IGF2R: variants seen among roughly 807,000 people sequenced by gnomAD.
IGF2R encodes cation-independent mannose-6-phosphate receptor.
A neutral mutation model predicts 270.6 loss-of-function variants in IGF2R; 91 were observed. The ratio of observed to expected loss-of-function variants is 0.34; its 90% confidence interval spans 0.28 to 0.40. The LOEUF (loss-of-function observed/expected upper bound fraction) is 0.40. Among genes scored for constraint, IGF2R ranks in the 10% least tolerant of loss-of-function variants. The pLI is 1.00. For synonymous variants in IGF2R, 1,316 were observed against 1,258.9 expected, an observed-to-expected ratio of 1.05 and a Z score of -0.96; for missense variants, 2,805 against 3,188.3, an observed-to-expected ratio of 0.88 and a Z score of 2.90.
intron 2 of IGF2R, among the ~76,000 whole-genome samples, chr6:160,002,883 T>C (rs903965740): frequency 1.3e-5 from 2 of 152,220 alleles, no homozygotes; most frequent in Admixed American, 6.5e-5. Flanking sequence ...CATTTTTTTC[T>C]AACACATCAA....
chr6:160,012,045 A>G lies in IGF2R; in HGVS notation c.513+1260A>G, dbSNP rs566361935. Reference sequence around the variant, plus strand: ...TTAAATTATGAACAATAAATCACTGATATTTTCAGATATGGTCATCTATGA... The same window carrying G: ...TTAAATTATGAACAATAAATCACTGGTATTTTCAGATATGGTCATCTATGA... On this transcript the variant is annotated intron_variant, in intron 4 of 47. Coordinates refer to ENST00000356956, the MANE Select transcript of IGF2R (RefSeq NM_000876.4). Among the ~76,000 whole-genome samples, 23 of 152,272 alleles carry G rather than the reference A, an allele frequency of 1.5e-4. 1 individual carries two copies. The highest frequency in any genetic ancestry group is 5.5e-4 in the African/African-American group (23 of 41,552).
intron 31 of IGF2R, among the ~76,000 whole-genome samples, chr6:160,070,715 G>T (rs544116879): frequency 6.6e-6 from 1 of 152,194 alleles, no homozygotes; most frequent in South Asian, 2.1e-4. Context: ...TGACAAGCTC[G>T]GTGGCTGAGT....
chr6:160,104,880 C>T lies in IGF2R; in HGVS notation c.7272C>T (p.Gly2424=), dbSNP rs1562381506. 1.9e-6 allele frequency: 3 copies of T among 1,614,164 alleles called. No homozygotes were observed. Among genetic ancestry groups the T allele is most frequent in the Non-Finnish European group, 1.7e-6 (2 of 1,180,018 alleles). ...LTIPEVKVHS[G]RGAGAESSHP... ...TCCCAGAGGTGAAAGTTCACTCGGG[C>T]AGGGGAGCTGGGGCAGAGAGCTCCC... The change falls in exon 48 of 48, where the codon GGC becomes GGT. Residue 2424 remains glycine, a synonymous_variant. Transcript: ENST00000356956.
In IGF2R at chr6:160,061,484, G is replaced by GT. The variant is rs544275721; in HGVS notation, c.3263-13dup. On this transcript the variant is annotated intron_variant, in intron 23 of 47. Coordinates refer to ENST00000356956, the MANE Select transcript of IGF2R (RefSeq NM_000876.4). ...CAAGGAGGCAGAGTTCTCCAGCGTGGTTTTTTGTTGTGTTTCAGACCTGGC... is the reference window on the plus strand; with the variant it reads ...CAAGGAGGCAGAGTTCTCCAGCGTGGTTTTTTTGTTGTGTTTCAGACCTGGC... 2.5e-6 allele frequency: 4 copies of GT among 1,612,650 alleles called. No homozygotes were observed. The highest frequency in any genetic ancestry group is 2.2e-5 in the East Asian group (1 of 44,870).
rs75396027 is a variant in IGF2R at position 159,984,936 on chromosome 6, A to G, written c.150-6248A>G. On this transcript the variant is annotated intron_variant, in intron 1 of 47. Coordinates refer to ENST00000356956, the MANE Select transcript of IGF2R (RefSeq NM_000876.4). Reference sequence around the variant, plus strand: ...GTTGTTAATCTTTTACAACTAATTTATAAATTAAACTTAATCATGGGTATG... The same window carrying G: ...GTTGTTAATCTTTTACAACTAATTTGTAAATTAAACTTAATCATGGGTATG... Among the ~76,000 whole-genome samples the G allele has an allele frequency of 1.3e-3, 201 of 152,348 alleles. 2 individuals carry two copies. The East Asian group carries it at 0.035, about 27-fold the overall frequency.
At chr6:159,976,640 C>CT (rs1310766779) in intron 1 of IGF2R, among the ~76,000 whole-genome samples, 2 of 151,984 alleles carry the variant, frequency 1.3e-5, no homozygotes, top group African/African-American at 4.8e-5. Flanking sequence ...CTCATAGATT[C>CT]TGATACTTTT....
At chr6:160,062,693 A>G (rs887652250) in intron 26 of IGF2R, 74 bp downstream of exon 26, 5 of 1,048,876 alleles carry the variant, frequency 4.8e-6, no homozygotes, top group East Asian at 2.5e-5. Flanking sequence ...TGCCTTAGAT[A>G]TGAGACCGTG....
At position 160,058,085 on chromosome 6, in the gene IGF2R, G is replaced by C. The variant is rs772639032; in HGVS notation, c.2859G>C (p.Ser953=). The change falls in exon 21 of 48, where the codon TCG becomes TCC. Residue 953 remains serine, a synonymous_variant. Coordinates refer to ENST00000356956, the MANE Select transcript of IGF2R (RefSeq NM_000876.4). ...FVFNLNPLNS[S]QGYNVSGIGK... is the part of the protein sequence containing the mutation. Reference sequence around the variant, plus strand: ...TTAATCTTAATCCGCTAAACAGTTCGCAAGGATATAACGTCTCTGGCATTG... The same window carrying C: ...TTAATCTTAATCCGCTAAACAGTTCCCAAGGATATAACGTCTCTGGCATTG... 11 of 1,613,088 alleles carry C rather than the reference G, an allele frequency of 6.8e-6. No individual in the cohort carries two copies. The highest frequency in any genetic ancestry group is 5.9e-6 in the Non-Finnish European group (7 of 1,179,196).
intron 4 of IGF2R, among the ~76,000 whole-genome samples, chr6:160,021,368 T>C (rs1318177639): frequency 2.1e-5 from 3 of 143,576 alleles, no homozygotes; most frequent in Non-Finnish European, 1.5e-5. Context: ...TCGTATGTTC[T>C]CACTCATAGG....
chr6:159,999,180 A>G lies in IGF2R; in HGVS notation c.289+7857A>G, dbSNP rs117196539. On this transcript the variant is annotated intron_variant, in intron 2 of 47. Coordinates refer to ENST00000356956, the MANE Select transcript of IGF2R (RefSeq NM_000876.4). ...CACCCACTCCAGACCCAGGGATCAT[A>G]CACCATAGGGAAGGGGTGGTTCAGA... Among the ~76,000 whole-genome samples, 601 of 152,346 alleles carry G rather than the reference A, an allele frequency of 3.9e-3. 23 individuals carry two copies. In the East Asian group the frequency reaches 0.084, roughly 21 times the overall value.
At position 160,104,919 on chromosome 6, in the gene IGF2R, C is replaced by T. The variant is rs149379261; in HGVS notation, c.7311C>T (p.Asn2437=). 45 of 1,614,022 alleles carry T rather than the reference C, an allele frequency of 2.8e-5. No homozygotes were observed. Among genetic ancestry groups the T allele is most frequent in the Middle Eastern group, 1.6e-4 (1 of 6,084 alleles). Reference sequence around the variant, plus strand: ...CAGAGAGCTCCCACCCAGTGAGAAACGCACAGAGCAATGCCCTTCAGGAGC... The same window carrying T: ...CAGAGAGCTCCCACCCAGTGAGAAATGCACAGAGCAATGCCCTTCAGGAGC... ...AGAESSHPVR[N]AQSNALQERE... The change falls in exon 48 of 48, where the codon AAC becomes AAT. Residue 2437 remains asparagine, a synonymous_variant. Coordinates refer to ENST00000356956, the MANE Select transcript of IGF2R (RefSeq NM_000876.4).
chr6:160,037,209 T>C (rs1225732589), intron 10 of IGF2R, among the ~76,000 whole-genome samples: 1 of 152,226 alleles, frequency 6.6e-6, no homozygotes, highest in Non-Finnish European at 1.5e-5. Context: ...TTTCCTAGGC[T>C]GTTTTCATTA....
chr6:160,071,236 T>G (rs1562366996), intron 31 of IGF2R, among the ~76,000 whole-genome samples: 3 of 88,252 alleles, frequency 3.4e-5, no homozygotes, highest in African/African-American at 4.7e-5. Context: ...AGGGTGGGGG[T>G]GTGTCGAGGC....
At chr6:159,981,500 A>C (rs997983236) in intron 1 of IGF2R, among the ~76,000 whole-genome samples, 6 of 151,804 alleles carry the variant, frequency 4.0e-5, no homozygotes, top group Non-Finnish European at 4.4e-5. Flanking sequence ...CAGCCAACTC[A>C]CCTTTTTTTG....
Position 160,046,787 on chromosome 6 carries a change from A to T in IGF2R, c.2051+142A>T. The T allele has an allele frequency of 1.3e-5, 12 of 933,908 alleles. No homozygotes were observed. In the South Asian group the frequency reaches 1.9e-4, roughly 15 times the overall value. The allele number at this position is 933,908 out of a possible 1,614,324, so 57.9% of individuals were successfully genotyped here. A position where few individuals can be genotyped will look rare whatever the true frequency, so the allele number is the denominator to read the frequency against. ...TGATGAGACCTGGTCTGAAAACTGA[A>T]GGATGTTAGGAGTTTAATTTCCCAG... On this transcript the variant is annotated intron_variant, in intron 15 of 47. Transcript: ENST00000356956.
chr6:160,038,171 G>T (rs1777867522), intron 10 of IGF2R, among the ~76,000 whole-genome samples: 1 of 152,158 alleles, frequency 6.6e-6, no homozygotes, highest in Non-Finnish European at 1.5e-5. Context: ...TGGTGTGCTG[G>T]AGAATAAACT....
chr6:160,080,283 G>A lies in IGF2R; in HGVS notation c.5833+8G>A, dbSNP rs747703860. ...GGGGCTTCTGCAGACACTGTGAGTA[G>A]GACGGCTCCGCGTCCCCACATGGCC... On this transcript the variant is annotated splice_region_variant and intron_variant, in intron 39 of 47. Transcript: ENST00000356956. 17 of 1,612,210 alleles carry A rather than the reference G, an allele frequency of 1.1e-5. 2 individuals carry two copies. In the South Asian group the frequency reaches 1.9e-4, roughly 18 times the overall value.
At chr6:159,992,637 C>T (rs561255507) in intron 2 of IGF2R, among the ~76,000 whole-genome samples, 1 of 151,948 alleles carries the variant, frequency 6.6e-6, no homozygotes, top group South Asian at 2.1e-4. Flanking sequence ...CACAAACACA[C>T]ACCACATTTT....
intron 10 of IGF2R, among the ~76,000 whole-genome samples, chr6:160,040,167 C>T (rs1777912775): frequency 6.6e-6 from 1 of 152,154 alleles, no homozygotes; most frequent in Admixed American, 6.5e-5. Context: ...CATTTCTGTC[C>T]TCCTTTCTGT....
Sources: allele counts gnomAD v4.1 joint callset (sites outside exome capture counted in the v4.1 genomes callset), GRCh38; gene constraint gnomAD v4.1.1; transcripts MANE v1.5; gene names NCBI Gene and HGNC (gene_info 2026-07-23, HGNC 2026-07-21).